ADAMTS5: variants seen among roughly 807,000 people sequenced by gnomAD.
ADAMTS5 encodes the protein A disintegrin and metalloproteinase with thrombospondin motifs 5.
In ADAMTS5, 54 loss-of-function variants were observed where a neutral mutation model predicts 81.4. That is an observed-to-expected ratio of 0.66 (90% CI 0.53 to 0.83). ADAMTS5 has a LOEUF of 0.83. Ranked by LOEUF, ADAMTS5 falls within the 40% of genes least tolerant of loss-of-function variation. The probability of loss-of-function intolerance (pLI) is 0.00; values close to 1 mark genes in which losing one functional copy is unlikely to be tolerated. For synonymous variants in ADAMTS5, 532 were observed against 508.8 expected (o/e 1.05, Z -0.61); for missense variants, 1,194 against 1,229.9 (o/e 0.97, Z 0.44).
intron 3 of ADAMTS5, 84 bp from the exon 4 acceptor site, chr21:26,934,833 G>A (rs1053457367): frequency 1.5e-4 from 237 of 1,533,204 alleles, no homozygotes; most frequent in Admixed American, 9.1e-4. Flanking sequence ...GAAATGCCCC[G>A]GCTGGTGTTG....
At chr21:26,943,586 T>C (rs1987157171) in intron 2 of ADAMTS5, 39 bp from the exon 3 acceptor site, 2 of 1,573,244 alleles carry the variant, frequency 1.3e-6, no homozygotes, top group Non-Finnish European at 1.7e-6. Flanking sequence ...TAATCCGTGA[T>C]TGTGTATTTC....
rs200544107 is a variant in ADAMTS5 at position 26,965,968 on chromosome 21, A to G, written c.424T>C (p.Ser142Pro). 48 of 1,613,272 alleles carry G rather than the reference A, an allele frequency of 3.0e-5. No homozygotes were observed. Among genetic ancestry groups the G allele is most frequent in the African/African-American group, 4.0e-5 (3 of 75,034 alleles). Residue 142 changes from serine (S) to proline (P), a missense_variant, in exon 1 of 8, where the codon TCT becomes CCT. Physicochemically the swap from Ser to Pro is moderately conservative, Grantham distance 74 (BLOSUM62 -1). This residue lies in a region of ADAMTS5 where 498 missense variants were observed against 412.3 expected (regional missense o/e 1.21). Transcript: ENST00000284987. Reference protein sequence around the residue: ...YRGTVDGSPRSLAVFDLCGGL... With the variant: ...YRGTVDGSPRPLAVFDLCGGL... ...CCACAGAGGTCAAAGACAGCCAGAG[A>G]GCGGGGACTACCGTCCACTGTGCCC...
intron 7 of ADAMTS5, among the ~76,000 whole-genome samples, chr21:26,925,938 T>C (rs941191044): frequency 1.3e-5 from 2 of 152,262 alleles, no homozygotes; most frequent in African/African-American, 4.8e-5. Flanking sequence ...ATTTTTGTAA[T>C]ACATTACAGA....
At chr21:26,959,938 A>T (rs1987497440) in intron 1 of ADAMTS5, among the ~76,000 whole-genome samples, 1 of 152,108 alleles carries the variant, frequency 6.6e-6, no homozygotes, top group Non-Finnish European at 1.5e-5. Context: ...ATCTTATTAG[A>T]TTCCTCCAGT....
At chr21:26,933,989 G>GT in intron 4 of ADAMTS5, among the ~76,000 whole-genome samples, 1 of 152,078 alleles carries the variant, frequency 6.6e-6, no homozygotes, top group Admixed American at 6.5e-5. Context: ...CGGAGCAGTC[G>GT]TAAGTTACTT....
intron 2 of ADAMTS5, among the ~76,000 whole-genome samples, chr21:26,950,009 C>A (rs1006239985): frequency 6.6e-6 from 1 of 152,152 alleles, no homozygotes. Flanking sequence ...CAGGGAACAC[C>A]TTTTAACCAC....
At chr21:26,941,632 A>G (rs577394489) in intron 3 of ADAMTS5, among the ~76,000 whole-genome samples, 74 of 152,264 alleles carry the variant, frequency 4.9e-4, no homozygotes, top group African/African-American at 1.7e-3. Context: ...CATTTTAGCC[A>G]TAAGTATTTG....
At chr21:26,963,640 CCAAAAAAAAAAAAAAAAAAAAAAAAAA>C (rs1987572742) in intron 1 of ADAMTS5, among the ~76,000 whole-genome samples, 2 of 29,774 alleles carry the variant, frequency 6.7e-5, no homozygotes, top group African/African-American at 2.4e-4. Context: ...AAGTTGCTTA[CCAAAAAAAAAAAAAAAAAAAAAAAAAA>C]AAAAAAAAAA....
At chr21:26,926,636 C>A (rs939174533) in intron 7 of ADAMTS5, among the ~76,000 whole-genome samples, 1 of 149,300 alleles carries the variant, frequency 6.7e-6, no homozygotes, top group African/African-American at 2.5e-5. Context: ...TGGTGTTATT[C>A]CAGCCTGGGC....
intron 1 of ADAMTS5, among the ~76,000 whole-genome samples, chr21:26,960,119 AT>A (rs955026928): frequency 1.3e-5 from 2 of 152,130 alleles, no homozygotes; most frequent in Middle Eastern, 3.2e-3. Context: ...GCTACAAAGA[AT>A]TTTTACTCAC....
At chr21:26,925,076 G>A (rs551845006) in intron 7 of ADAMTS5, among the ~76,000 whole-genome samples, 5 of 152,138 alleles carry the variant, frequency 3.3e-5, no homozygotes, top group Admixed American at 2.6e-4. Context: ...TTAGAATCAC[G>A]TGGGGATCTT....
intron 1 of ADAMTS5, among the ~76,000 whole-genome samples, chr21:26,959,835 C>A (rs1987495585): frequency 6.6e-6 from 1 of 152,102 alleles, no homozygotes; most frequent in Non-Finnish European, 1.5e-5. Flanking sequence ...TTATTTCCTG[C>A]CTGAATTATA....
chr21:26,934,479 T>C lies in ADAMTS5; in HGVS notation c.1676A>G (p.Lys559Arg), dbSNP rs1465665423. 6.2e-7 allele frequency: 1 copy of C among 1,614,174 alleles called. No homozygotes were observed. The highest frequency in any genetic ancestry group is 1.7e-5 in the Admixed American group (1 of 60,026). The change falls in exon 4 of 8, where the codon AAA (lysine) becomes AGA (arginine). Residue 559 changes from lysine (K) to arginine (R), a missense_variant. Around this residue, in one of 2 missense-constraint regions of ADAMTS5, gnomAD observed 696 missense variants for 817.6 expected, o/e 0.85. Transcript: ENST00000284987. ...LQGKCVDKTK[K>R]KYYSTSSHGN... ...AAAATCACTTACTGAATAATATTTTTTCTTGGTTTTGTCCACACATTTGCC... is the reference window on the plus strand; with the variant it reads ...AAAATCACTTACTGAATAATATTTTCTCTTGGTTTTGTCCACACATTTGCC...
At position 26,965,645 on chromosome 21, in the gene ADAMTS5, G is replaced by T. The variant is rs763713878; in HGVS notation, c.747C>A (p.Gly249=). 2.3e-5 allele frequency: 36 copies of T among 1,595,494 alleles called. No homozygotes were observed. Among genetic ancestry groups the T allele is most frequent in the Non-Finnish European group, 2.9e-5 (34 of 1,173,410 alleles). The change falls in exon 1 of 8, where the codon GGC becomes GGA. Residue 249 remains glycine (G), a synonymous_variant. Coordinates refer to ENST00000284987, the MANE Select transcript of ADAMTS5 (RefSeq NM_007038.5). Reference sequence around the variant, plus strand: ...GCCGCCACCACGTCTGCGGTCCTGAGCCCCCAGCGGGCGAGAGAGCGGACT... The same window carrying T: ...GCCGCCACCACGTCTGCGGTCCTGATCCCCCAGCGGGCGAGAGAGCGGACT... ...LDQSALSPAG[G]SGPQTWWRRR...
chr21:26,952,625 G>T (rs1164143472), intron 2 of ADAMTS5, among the ~76,000 whole-genome samples: 2 of 152,212 alleles, frequency 1.3e-5, no homozygotes, highest in African/African-American at 2.4e-5. Flanking sequence ...AGAAAGGAAA[G>T]AAACTGCCCT....
chr21:26,954,955 T>C, intron 1 of ADAMTS5, 84 bp from the exon 2 acceptor site: 2 of 1,515,084 alleles, frequency 1.3e-6, no homozygotes, highest in Non-Finnish European at 1.8e-6. Context: ...TTACCCCAAA[T>C]GGCAACAGGG....
rs113448994 is a variant in ADAMTS5, at chr21:26,940,871, A to G, written c.1405+2509T>C. Among the ~76,000 whole-genome samples the G allele has an allele frequency of 6.0e-3, 913 of 152,226 alleles. 8 individuals carry two copies. The highest frequency in any genetic ancestry group is 0.01 in the Non-Finnish European group (697 of 67,960). The stretch of plus-strand genomic sequence containing the variant: ...CTCTAAAGTGGGTTTGGTAGTTTCT[A>G]TGGCCACACTTTCACTTACATTGAC... On this transcript the variant is annotated intron_variant, in intron 3 of 7. Coordinates refer to ENST00000284987, the MANE Select transcript of ADAMTS5 (RefSeq NM_007038.5).
At chr21:26,959,896 A>G (rs1987496815) in intron 1 of ADAMTS5, among the ~76,000 whole-genome samples, 1 of 152,042 alleles carries the variant, frequency 6.6e-6, no homozygotes, top group Non-Finnish European at 1.5e-5. Flanking sequence ...CCTTATCTAT[A>G]TGCTCAAGTC....
At position 26,965,966 on chromosome 21, in the gene ADAMTS5, A is replaced by G; in HGVS notation, c.426T>C (p.Ser142=). 6.2e-7 allele frequency: 1 copy of G among 1,613,352 alleles called. No individual in the cohort carries two copies. Among genetic ancestry groups the G allele is most frequent in the Non-Finnish European group, 8.5e-7 (1 of 1,179,868 alleles). Residue 142 remains serine (S), a synonymous_variant, in exon 1 of 8, where the codon TCT becomes TCC. Coordinates refer to ENST00000284987, the MANE Select transcript of ADAMTS5 (RefSeq NM_007038.5). ...CCCCACAGAGGTCAAAGACAGCCAG[A>G]GAGCGGGGACTACCGTCCACTGTGC... is the stretch of plus-strand genomic sequence containing the variant. ...YRGTVDGSPR[S]LAVFDLCGGL... is the part of the protein sequence containing the mutation.
Sources: allele counts gnomAD v4.1 joint callset (sites outside exome capture counted in the v4.1 genomes callset), GRCh38; gene constraint gnomAD v4.1.1; regional missense constraint gnomAD v4.1.1; transcripts MANE v1.5; gene names NCBI Gene and HGNC (gene_info 2026-07-23, HGNC 2026-07-21).